AFF3: variants seen among roughly 807,000 people sequenced by gnomAD.
The protein encoded by AFF3 is ALF transcription elongation factor 3, also known as AF4/FMR2 family member 3.
A neutral mutation model predicts 129.7 loss-of-function variants in AFF3; 32 were observed. The ratio of observed to expected loss-of-function variants is 0.25; its 90% CI spans 0.19 to 0.33. The LOEUF is 0.33. Among genes scored for constraint, AFF3 ranks in the 10% least tolerant of loss-of-function variants. The probability of loss-of-function intolerance (pLI) is 1.00; values close to 1 mark genes in which losing one functional copy is unlikely to be tolerated. For synonymous variants in AFF3, 644 were observed against 635.4 expected (o/e 1.01, Z -0.20); for missense variants, 1,373 against 1,592.0 (o/e 0.86, Z 2.34).
At chr2:100,026,796 T>C (rs1277475763) in intron 4 of AFF3, among the ~76,000 whole-genome samples, 1 of 151,280 alleles carries the variant, frequency 6.6e-6, no homozygotes, top group African/African-American at 2.4e-5. Flanking sequence ...TGGATAAGAC[T>C]GGGGATTATT....
In AFF3 at chr2:99,550,515, A is replaced by G; in HGVS notation, c.*959T>C. ...AGCCAAGAAAATCTGTAAGAAAGCT[A>G]TTGGTGGAAAGAAAAGACTTGAAAC... is the stretch of plus-strand genomic sequence containing the variant. On this transcript the variant is annotated 3_prime_UTR_variant, in exon 25 of 25. Transcript: ENST00000672756. 1 of 231,360 alleles carries G rather than the reference A, an allele frequency of 4.3e-6. No individual in the cohort carries two copies. Among genetic ancestry groups the G allele is most frequent in the Non-Finnish European group, 8.6e-6 (1 of 116,852 alleles). The allele number at this position is 231,360 out of a possible 1,614,324, so 14.3% of individuals were successfully genotyped here.
intron 7 of AFF3, among the ~76,000 whole-genome samples, chr2:99,989,680 G>A (rs1022652648): frequency 6.6e-6 from 1 of 152,062 alleles, no homozygotes; most frequent in African/African-American, 2.4e-5. Context: ...GTGAATCATG[G>A]GCTCAGGTTT....
intron 10 of AFF3, among the ~76,000 whole-genome samples, chr2:99,737,443 A>T (rs200625425): frequency 6.6e-6 from 1 of 150,654 alleles, no homozygotes; most frequent in South Asian, 2.1e-4. Flanking sequence ...GACTCATTAA[A>T]TTTTTTTTTT....
intron 11 of AFF3, among the ~76,000 whole-genome samples, chr2:99,691,129 A>G (rs1272515566): frequency 6.6e-6 from 1 of 152,046 alleles, no homozygotes; most frequent in Non-Finnish European, 1.5e-5. Flanking sequence ...CACCAAAATG[A>G]TATTAGCTGG....
At chr2:100,130,773 GGACAGCCCCACAGA>G (rs971976899) in intron 1 of AFF3, among the ~76,000 whole-genome samples, 4 of 152,090 alleles carry the variant, frequency 2.6e-5, no homozygotes, top group East Asian at 1.9e-4. Flanking sequence ...GCTACCTCCA[GGACAGCCCCACAGA>G]GACAGCCCCA....
At chr2:99,931,092 T>C (rs969334422) in intron 7 of AFF3, among the ~76,000 whole-genome samples, 1 of 152,194 alleles carries the variant, frequency 6.6e-6, no homozygotes, top group Non-Finnish European at 1.5e-5. Context: ...TAAATAACCA[T>C]GGATTATCAT....
In AFF3 at chr2:99,614,605, C is replaced by T. The variant is rs565913295; in HGVS notation, c.1185-12984G>A. Among the ~76,000 whole-genome samples, 497 of 152,320 alleles carry T rather than the reference C, an allele frequency of 3.3e-3. 3 individuals carry two copies. Among genetic ancestry groups the T allele is most frequent in the Middle Eastern group, 6.8e-3 (2 of 294 alleles). ...TAGTTCTTAACCAGGTGCTGGATCC[C>T]GTGCTCTCTTGCTTAGAGGGGCGCT... On this transcript the variant is annotated intron_variant, in intron 13 of 24. Coordinates refer to ENST00000672756, the MANE Select transcript of AFF3 (RefSeq NM_001386135.1).
At chr2:99,798,690 C>T (rs1199545999) in intron 8 of AFF3, among the ~76,000 whole-genome samples, 3 of 151,798 alleles carry the variant, frequency 2.0e-5, no homozygotes, top group African/African-American at 7.3e-5. Flanking sequence ...GATCTTAACG[C>T]AGCCAGGGAT....
intron 13 of AFF3, among the ~76,000 whole-genome samples, chr2:99,624,065 G>T (rs1319122599): frequency 1.3e-5 from 2 of 152,214 alleles, no homozygotes; most frequent in Non-Finnish European, 2.9e-5. Context: ...CACTGCTCCT[G>T]CCTGGAGCCA....
chr2:99,989,290 CAGA>C (rs1380761934), intron 7 of AFF3, among the ~76,000 whole-genome samples: 10 of 152,202 alleles, frequency 6.6e-5, no homozygotes, highest in Admixed American at 4.6e-4. Context: ...ACAGAGCCCA[CAGA>C]AGAAGTCATC....
intron 8 of AFF3, among the ~76,000 whole-genome samples, chr2:99,753,548 TTC>T (rs1681847164): frequency 6.6e-6 from 1 of 152,126 alleles, no homozygotes; most frequent in African/African-American, 2.4e-5. Flanking sequence ...TGAAAAGCGA[TTC>T]TGTCAGGCTT....
chr2:99,669,139 A>G (rs183903541), intron 12 of AFF3, among the ~76,000 whole-genome samples: 1 of 152,194 alleles, frequency 6.6e-6, no homozygotes, highest in Non-Finnish European at 1.5e-5. Flanking sequence ...GAACATGCAC[A>G]TACCCTACTG....
At chr2:99,655,103 G>C (rs1460543813) in intron 12 of AFF3, among the ~76,000 whole-genome samples, 1 of 151,632 alleles carries the variant, frequency 6.6e-6, no homozygotes, top group Non-Finnish European at 1.5e-5. Context: ...AATTCAGTCT[G>C]AAGTACCTAC....
At chr2:99,719,050 C>CT (rs554515502) in intron 11 of AFF3, among the ~76,000 whole-genome samples, 55,508 of 108,028 alleles carry the variant, frequency 0.51, 14,913 homozygotes, top group East Asian at 0.67. Context: ...CGCGCCCGGC[C>CT]TTTTTTTTTT....
chr2:99,653,494 C>T (rs180757809), intron 12 of AFF3, among the ~76,000 whole-genome samples: 6 of 152,338 alleles, frequency 3.9e-5, no homozygotes, highest in Admixed American at 3.3e-4. Context: ...TGCTGATGTG[C>T]AGCTGGTCAG....
At chr2:99,973,625 T>G (rs1388588350) in intron 7 of AFF3, among the ~76,000 whole-genome samples, 1 of 152,204 alleles carries the variant, frequency 6.6e-6, no homozygotes. Context: ...CCATACTGCA[T>G]AAGCTCCAAT....
chr2:99,944,834 TAAAC>T (rs1675403669), intron 7 of AFF3, among the ~76,000 whole-genome samples: 1 of 152,166 alleles, frequency 6.6e-6, no homozygotes. Flanking sequence ...CAAAACATAA[TAAAC>T]AAAATCTAAA....
At chr2:99,879,563 C>T (rs527492210) in intron 7 of AFF3, among the ~76,000 whole-genome samples, 1 of 152,310 alleles carries the variant, frequency 6.6e-6, no homozygotes, top group South Asian at 2.1e-4. Flanking sequence ...AAGAGTTTCT[C>T]TGTCAAGATG....
chr2:99,562,142 T>C (rs1675531296), intron 20 of AFF3, among the ~76,000 whole-genome samples: 3 of 152,238 alleles, frequency 2.0e-5, no homozygotes, highest in Admixed American at 6.5e-5. Flanking sequence ...TTTGCATGCA[T>C]TTCTTTGGGT....
Sources: gnomAD v4.1 joint callset for allele counts (sites outside exome capture counted in the v4.1 genomes callset) on GRCh38, gnomAD v4.1.1 for gene constraint, MANE v1.5 for transcripts, NCBI Gene and HGNC (gene_info 2026-07-23, HGNC 2026-07-21) for gene names.